RAPGEF1: variants seen among roughly 807,000 people sequenced by gnomAD.
RAPGEF1 encodes the protein Rap guanine nucleotide exchange factor 1, also known as CRK SH3-binding GNRP.
RAPGEF1 carries 33 observed loss-of-function variants against 143.3 expected under a neutral mutation model. The ratio of observed to expected loss-of-function variants is 0.23; its 90% CI spans 0.17 to 0.31. RAPGEF1 has a LOEUF of 0.31. Ranked by LOEUF, RAPGEF1 falls within the 10% of genes least tolerant of loss-of-function variation. The pLI, the probability that RAPGEF1 is intolerant of heterozygous loss-of-function variation, is 1.00. For synonymous variants in RAPGEF1, 629 were observed against 676.5 expected, an observed-to-expected ratio of 0.93 and a Z score of 1.09; for missense variants, 1,199 against 1,645.4, an observed-to-expected ratio of 0.73 and a Z score of 4.69.
intron 15 of RAPGEF1, 87 bp from the exon 16 acceptor site, chr9:131,598,397 C>T (rs958806770): frequency 4.7e-6 from 5 of 1,066,258 alleles, no homozygotes; most frequent in Non-Finnish European, 7.1e-6. Context: ...GTGTGCACGG[C>T]TCGAAACCGC....
intron 9 of RAPGEF1, 66 bp from the exon 10 acceptor site, chr9:131,626,488 C>T (rs1407380623): frequency 1.4e-6 from 2 of 1,479,414 alleles, no homozygotes; most frequent in Non-Finnish European, 1.8e-6. Context: ...GCCAGCTCCC[C>T]CCGCCCGCCT....
intron 12 of RAPGEF1, among the ~76,000 whole-genome samples, chr9:131,613,577 C>G (rs1279484887): frequency 2.0e-5 from 3 of 152,188 alleles, no homozygotes; most frequent in Non-Finnish European, 2.9e-5. Flanking sequence ...CCGCTCAAGG[C>G]TAATGCCCTG....
intron 1 of RAPGEF1, among the ~76,000 whole-genome samples, chr9:131,660,965 CATCA>C (rs1973892161): frequency 6.6e-6 from 1 of 152,196 alleles, no homozygotes; most frequent in Non-Finnish European, 1.5e-5. Flanking sequence ...CTCAATTTGT[CATCA>C]GGAAGCAGTA....
At chr9:131,668,300 G>C (rs75881405) in intron 1 of RAPGEF1, among the ~76,000 whole-genome samples, 2,858 of 152,230 alleles carry the variant, frequency 0.019, 97 homozygotes, top group African/African-American at 0.064. Flanking sequence ...GGTTAAATCA[G>C]CAGCGGCTGT....
intron 1 of RAPGEF1, among the ~76,000 whole-genome samples, chr9:131,714,471 G>A (rs560478385): frequency 6.6e-6 from 1 of 152,152 alleles, no homozygotes; most frequent in African/African-American, 2.4e-5. Flanking sequence ...AAAGCTTTGT[G>A]TATGGAATTT....
At chr9:131,732,040 C>A (rs1215110552) in intron 1 of RAPGEF1, among the ~76,000 whole-genome samples, 1 of 152,078 alleles carries the variant, frequency 6.6e-6, no homozygotes, top group Non-Finnish European at 1.5e-5. Context: ...GATGAACCTC[C>A]CCCCCTGTAC....
chr9:131,709,640 T>C (rs1337490046), intron 1 of RAPGEF1: 19 of 1,613,972 alleles, frequency 1.2e-5, no homozygotes, highest in Non-Finnish European at 1.6e-5. Context: ...GGGGTACAGA[T>C]GACTTCGTTT....
At position 131,739,972 on chromosome 9, in the gene RAPGEF1, G is replaced by A. The variant is rs1285220011; in HGVS notation, c.-142C>T. The A allele has an allele frequency of 1.8e-5, 5 of 281,844 alleles. No homozygotes were observed. Among genetic ancestry groups the A allele is most frequent in the Non-Finnish European group, 2.6e-5 (5 of 190,748 alleles). The allele number at this position is 281,844 out of a possible 1,614,324, so 17.5% of individuals were successfully genotyped here. The stretch of plus-strand genomic sequence containing the variant: ...CCCTGCGCTCGGCGACCGCGCTCCA[G>A]CCCGCCCGGGCCCAGCCGCTCCCGC... On this transcript the variant is annotated 5_prime_UTR_variant, in exon 1 of 27. Coordinates refer to ENST00000683357, the MANE Select transcript of RAPGEF1 (RefSeq NM_001377935.1).
At chr9:131,585,553 C>A (rs1258478300) in intron 22 of RAPGEF1, among the ~76,000 whole-genome samples, 1 of 152,252 alleles carries the variant, frequency 6.6e-6, no homozygotes, top group East Asian at 1.9e-4. Context: ...TGTCAGAAGC[C>A]AGGCTTGGGG....
intron 3 of RAPGEF1, among the ~76,000 whole-genome samples, chr9:131,646,814 C>T (rs1969769302): frequency 6.6e-6 from 1 of 151,200 alleles, no homozygotes; most frequent in Non-Finnish European, 1.5e-5. Context: ...GGCAATGCAA[C>T]ATTATTCCTA....
intron 1 of RAPGEF1, among the ~76,000 whole-genome samples, chr9:131,659,618 C>T (rs780200060): frequency 3.8e-4 from 58 of 152,292 alleles, no homozygotes; most frequent in Admixed American, 2.0e-3. Context: ...AGCCACAGAC[C>T]TAGCTCCTCC....
In RAPGEF1 at chr9:131,730,697, CAAAA is replaced by C. The variant is rs56044744; in HGVS notation, c.61+9069_61+9072del. Among the ~76,000 whole-genome samples, 57 of 80,364 alleles carry C rather than the reference CAAAA, an allele frequency of 7.1e-4. No homozygotes were observed. In the South Asian group the frequency reaches 7.6e-3, roughly 11 times the overall value. The allele number at this position is 80,364 out of a possible 152,430, so 52.7% of individuals were successfully genotyped here. A position where few individuals can be genotyped will look rare whatever the true frequency, so the allele number is the denominator to read the frequency against. ...GCAACAGCAGAGTGAGACTCCATCT[CAAAA>C]AAAAAAAAAAAAAAAAAGAAGAAGA... is the stretch of plus-strand genomic sequence containing the variant. On this transcript the variant is annotated intron_variant, in intron 1 of 26. Transcript: ENST00000683357.
chr9:131,627,289 A>T (rs1449641543), intron 9 of RAPGEF1, among the ~76,000 whole-genome samples: 2 of 151,306 alleles, frequency 1.3e-5, no homozygotes, highest in Admixed American at 6.6e-5. Context: ...TTTTCTAGTT[A>T]TCAATATGAG....
At chr9:131,696,157 G>A (rs1228266919) in intron 1 of RAPGEF1, among the ~76,000 whole-genome samples, 2 of 152,146 alleles carry the variant, frequency 1.3e-5, no homozygotes, top group South Asian at 4.1e-4. Context: ...ACAGGCTGGC[G>A]GAAGCTACAA....
chr9:131,682,023 C>G (rs975691108), intron 1 of RAPGEF1, among the ~76,000 whole-genome samples: 1 of 152,178 alleles, frequency 6.6e-6, no homozygotes, highest in African/African-American at 2.4e-5. Flanking sequence ...AGTTGATTAT[C>G]AAGGCCTGTA....
At position 131,586,394 on chromosome 9, in the gene RAPGEF1, C is replaced by T. The variant is rs868705523; in HGVS notation, c.3233+1342G>A. 7.2e-5 allele frequency among the ~76,000 whole-genome samples: 4 copies of T among 55,280 alleles called. 1 individual carries two copies. Among genetic ancestry groups the T allele is most frequent in the Admixed American group, 5.2e-4 (2 of 3,838 alleles). 36.3% of individuals were successfully genotyped at this position (55,280 alleles called of 152,430 possible). Reference sequence around the variant, plus strand: ...CACACCCACCTGCAGAGCGAGACTCCGTCTCAAACACACACACACACACAC... The same window carrying T: ...CACACCCACCTGCAGAGCGAGACTCTGTCTCAAACACACACACACACACAC... On this transcript the variant is annotated intron_variant, in intron 22 of 26. Coordinates refer to ENST00000683357, the MANE Select transcript of RAPGEF1 (RefSeq NM_001377935.1).
Position 131,588,959 on chromosome 9 carries a change from C to T in RAPGEF1, c.2895G>A (p.Leu965=), listed in dbSNP as rs1331716982. The T allele has an allele frequency of 1.2e-6, 2 of 1,613,840 alleles. No individual in the cohort carries two copies. The highest frequency in any genetic ancestry group is 8.5e-7 in the Non-Finnish European group (1 of 1,179,784). ...LCLVELTEEI[L]KLLMELVFRL... Reference sequence around the variant, plus strand: ...GGAAGACCAGTTCCATCAGCAGCTTCAGGATCTCTTCTGTCAACTCCACCA... The same window carrying T: ...GGAAGACCAGTTCCATCAGCAGCTTTAGGATCTCTTCTGTCAACTCCACCA... Residue 965 remains leucine, a synonymous_variant, in exon 20 of 27, where the codon CTG becomes CTA. Coordinates refer to ENST00000683357, the MANE Select transcript of RAPGEF1 (RefSeq NM_001377935.1).
intron 5 of RAPGEF1, among the ~76,000 whole-genome samples, chr9:131,636,815 C>T (rs1050783912): frequency 5.9e-5 from 9 of 152,142 alleles, no homozygotes; most frequent in Admixed American, 4.6e-4. Flanking sequence ...TGATAATGTA[C>T]GTGCCTGTCC....
chr9:131,729,144 A>G (rs1198526774), intron 1 of RAPGEF1, among the ~76,000 whole-genome samples: 1 of 152,258 alleles, frequency 6.6e-6, no homozygotes, highest in Non-Finnish European at 1.5e-5. Flanking sequence ...CCCAGGGGCC[A>G]TGAGGCAGGT....
Sources: gnomAD v4.1 joint callset for allele counts (sites outside exome capture counted in the v4.1 genomes callset) on GRCh38, gnomAD v4.1.1 for gene constraint, MANE v1.5 for transcripts, NCBI Gene and HGNC (gene_info 2026-07-23, HGNC 2026-07-21) for gene names.